Variants in NR5A1 observed in about 807,000 individuals in gnomAD.
NR5A1 encodes nuclear receptor subfamily 5 group A member 1, also known as steroidogenic factor 1.
Under a neutral mutation model 42.7 loss-of-function variants are expected in NR5A1, and 6 were observed. The observed-to-expected ratio is 0.14, with a 90% CI of 0.08 to 0.28. The LOEUF is 0.28. Ranked by LOEUF, NR5A1 falls within the 10% of genes least tolerant of loss-of-function variation. The probability of loss-of-function intolerance (pLI) is 1.00; values close to 1 mark genes in which losing one functional copy is unlikely to be tolerated. For missense variants in NR5A1, 442 were observed against 626.4 expected, an observed-to-expected ratio of 0.71 and a Z score of 3.14; for synonymous variants, 274 against 277.5, an observed-to-expected ratio of 0.99 and a Z score of 0.12.
At chr9:124,484,309 G>T (rs1181319269) in intron 6 of NR5A1, among the ~76,000 whole-genome samples, 1 of 152,180 alleles carries the variant, frequency 6.6e-6, no homozygotes, top group African/African-American at 2.4e-5. Context: ...TGGCCACGTG[G>T]TGACCGCACC....
At chr9:124,493,982 A>AG (rs1832353559) in intron 4 of NR5A1, among the ~76,000 whole-genome samples, 2 of 152,094 alleles carry the variant, frequency 1.3e-5, no homozygotes, top group Admixed American at 1.3e-4. Context: ...CCGGGATCAC[A>AG]CAGAGGCAGG....
chr9:124,500,352 C>A lies in NR5A1; in HGVS notation c.608G>T (p.Ser203Ile), dbSNP rs770165012. Residue 203 changes from serine to isoleucine, a missense_variant, in exon 4 of 7, where the codon AGC becomes ATC. This residue lies in a region of NR5A1 where 208 missense variants were observed against 203.8 expected (regional missense o/e 1.02). Transcript: ENST00000373588. The surrounding 1 kb of genome is among the most constrained non-coding windows in gnomAD (Gnocchi z 6.9). ...IKSEYPEPYA[S>I]PPQPGLPYGY... ...GTACGGCAGCCCAGGCTGTGGGGGG[C>A]TGGCATAAGGCTCCGGGTACTCAGA... 16 of 1,556,214 alleles carry A rather than the reference C, an allele frequency of 1.0e-5. No individual in the cohort carries two copies. The highest frequency in any genetic ancestry group is 7.8e-5 in the Admixed American group (4 of 51,536).
chr9:124,500,044 G>C lies in NR5A1; in HGVS notation c.870+46C>G. 6.2e-7 allele frequency: 1 copy of C among 1,612,734 alleles called. No individual in the cohort carries two copies. The highest frequency in any genetic ancestry group is 8.5e-7 in the Non-Finnish European group (1 of 1,179,830). On this transcript the variant is annotated intron_variant, in intron 4 of 6. Transcript: ENST00000373588. This position sits in a 1 kb window ranked among gnomAD's most constrained non-coding sequence, Gnocchi z 6.9. ...CAGTCGGGCTAAGGCTTGGGCAGCCGGGAGGACCATGATGCAGGGCCAGCC... is the reference window on the plus strand; with the variant it reads ...CAGTCGGGCTAAGGCTTGGGCAGCCCGGAGGACCATGATGCAGGGCCAGCC...
intron 6 of NR5A1, among the ~76,000 whole-genome samples, chr9:124,484,584 C>T (rs915708110): frequency 2.6e-5 from 4 of 152,170 alleles, no homozygotes; most frequent in Non-Finnish European, 4.4e-5. Flanking sequence ...AACCCCATCT[C>T]TACTAAAAAT....
rs775736029 is a variant in NR5A1 at position 124,503,276 on chromosome 9, C to T, written c.102+18G>A. On this transcript the variant is annotated intron_variant, in intron 2 of 6. Coordinates refer to ENST00000373588, the MANE Select transcript of NR5A1 (RefSeq NM_004959.5). This position sits in a 1 kb window ranked among gnomAD's most constrained non-coding sequence, Gnocchi z 9.6. ...CAGCGCCCGTCTGCCGCACCCCTGC[C>T]GCGCGCTCGCCGCTCACCTTGCAGC... The T allele has an allele frequency of 1.9e-6, 3 of 1,607,488 alleles. No homozygotes were observed. Among genetic ancestry groups the T allele is most frequent in the South Asian group, 1.1e-5 (1 of 90,008 alleles).
Position 124,482,772 on chromosome 9 carries a change from C to T in NR5A1, c.1372G>A (p.Ala458Thr). The T allele has an allele frequency of 7.6e-7, 1 of 1,312,642 alleles. No homozygotes were observed. The highest frequency in any genetic ancestry group is 1.2e-5 in the South Asian group (1 of 83,188). The allele number at this position is 1,312,642 out of a possible 1,614,324, so 81.3% of individuals were successfully genotyped here. The change falls in exon 7 of 7, where the codon GCC (alanine) becomes ACC (threonine). Residue 458 changes from alanine to threonine, a missense_variant. This residue lies in a region of NR5A1 where 163 missense variants were observed against 265.8 expected (regional missense o/e 0.61). Coordinates refer to ENST00000373588, the MANE Select transcript of NR5A1 (RefSeq NM_004959.5). ...RNNLLIEMLQ[A>T]KQT The stretch of plus-strand genomic sequence containing the variant: ...CCGGCCCAGGCTCAAGTCTGCTTGG[C>T]TTGCAGCATTTCGATGAGCAGGTTG...
Position 124,503,491 on chromosome 9 carries a change from C to A in NR5A1, c.-15-81G>T. ...CCGCGGCCGCCGCCCCAGCCGCTGT[C>A]GCCGGCCCGTCGCGTAATCCCCTCT... On this transcript the variant is annotated intron_variant, in intron 1 of 6. Coordinates refer to ENST00000373588, the MANE Select transcript of NR5A1 (RefSeq NM_004959.5). The surrounding 1 kb of genome is among the most constrained non-coding windows in gnomAD (Gnocchi z 9.6). The A allele has an allele frequency of 8.4e-7, 1 of 1,192,580 alleles. No homozygotes were observed. Among genetic ancestry groups the A allele is most frequent in the South Asian group, 1.5e-5 (1 of 66,306 alleles). 73.9% of individuals were successfully genotyped at this position (1,192,580 alleles called of 1,614,324 possible). A position where few individuals can be genotyped will look rare whatever the true frequency, so the allele number is the denominator to read the frequency against.
At position 124,501,001 on chromosome 9, in the gene NR5A1, T is replaced by TC. The variant is rs1564152981; in HGVS notation, c.245-287dup. ...TCCTCCTCCACCCTGCCTTTCATTTTCCTTCTGACTCAAACTTTTTTTTTT... is the reference window on the plus strand; with the variant it reads ...TCCTCCTCCACCCTGCCTTTCATTTTCCCTTCTGACTCAAACTTTTTTTTTT... On this transcript the variant is annotated intron_variant, in intron 3 of 6. Transcript: ENST00000373588. The surrounding 1 kb of genome is among the most constrained non-coding windows in gnomAD (Gnocchi z 4.1). 1 of 701,808 alleles carries TC rather than the reference T, an allele frequency of 1.4e-6. No individual in the cohort carries two copies. The highest frequency in any genetic ancestry group is 2.0e-5 in the Admixed American group (1 of 49,376). The allele number at this position is 701,808 out of a possible 1,614,324, so 43.5% of individuals were successfully genotyped here.
rs1403206597 is a variant in NR5A1 at position 124,500,318 on chromosome 9, T to C, written c.642A>G (p.Pro214=). The C allele has an allele frequency of 8.3e-6, 13 of 1,559,798 alleles. No individual in the cohort carries two copies. The highest frequency in any genetic ancestry group is 1.1e-5 in the Non-Finnish European group (13 of 1,152,350). ...CGTTGGGCCCTCCAGAGAAGGGCTC[T>C]GGGTAGCCGTACGGCAGCCCAGGCT... The part of the protein sequence containing the change: ...PPQPGLPYGY[P]EPFSGGPNVP... The change falls in exon 4 of 7, where the codon CCA becomes CCG. Residue 214 remains proline, a synonymous_variant. Transcript: ENST00000373588. This position sits in a 1 kb window ranked among gnomAD's most constrained non-coding sequence, Gnocchi z 6.9.
chr9:124,506,708 C>T (rs1832566010), intron 1 of NR5A1, among the ~76,000 whole-genome samples: 1 of 152,194 alleles, frequency 6.6e-6, no homozygotes, highest in African/African-American at 2.4e-5. Context: ...CTCCAGGCTC[C>T]GAGGCACCCA....
intron 6 of NR5A1, 100 bp from the exon 7 acceptor site, chr9:124,483,105 A>G: frequency 6.2e-7 from 1 of 1,600,108 alleles, no homozygotes; most frequent in Non-Finnish European, 8.5e-7. Flanking sequence ...CTTCCCTATG[A>G]CCATCAAAGA....
At chr9:124,491,975 G>A (rs1430261385) in intron 5 of NR5A1, among the ~76,000 whole-genome samples, 1 of 152,074 alleles carries the variant, frequency 6.6e-6, no homozygotes, top group African/African-American at 2.4e-5. Flanking sequence ...CATGCAGACT[G>A]CAGGCACCTG....
chr9:124,493,197 G>A, intron 4 of NR5A1, 48 bp from the exon 5 acceptor site: 1 of 1,583,764 alleles, frequency 6.3e-7, no homozygotes, highest in Non-Finnish European at 8.6e-7. Flanking sequence ...CAGGGTCCAG[G>A]GACCTTCCTC....
intron 1 of NR5A1, among the ~76,000 whole-genome samples, chr9:124,504,687 C>A (rs140078874): frequency 0.015 from 2,215 of 149,626 alleles, 24 homozygotes; most frequent in Middle Eastern, 0.09. Flanking sequence ...CCCACCTGGT[C>A]GCTCCTGCGA....
intron 5 of NR5A1, among the ~76,000 whole-genome samples, chr9:124,492,038 G>A (rs1832319037): frequency 1.3e-5 from 2 of 152,090 alleles, no homozygotes; most frequent in Non-Finnish European, 2.9e-5. Flanking sequence ...TGCCCGTCCC[G>A]TCCTCCTGCC....
chr9:124,495,147 C>G (rs1832371367), intron 4 of NR5A1, among the ~76,000 whole-genome samples: 1 of 152,212 alleles, frequency 6.6e-6, no homozygotes, highest in South Asian at 2.1e-4. Flanking sequence ...CCCTCCAGCT[C>G]CCAGCAAAGC....
chr9:124,500,023 C>A lies in NR5A1; in HGVS notation c.870+67G>T. Reference sequence around the variant, plus strand: ...AGGATGGCCCTATCCAAAGGACAGTCGGGCTAAGGCTTGGGCAGCCGGGAG... The same window carrying A: ...AGGATGGCCCTATCCAAAGGACAGTAGGGCTAAGGCTTGGGCAGCCGGGAG... On this transcript the variant is annotated intron_variant, in intron 4 of 6. Coordinates refer to ENST00000373588, the MANE Select transcript of NR5A1 (RefSeq NM_004959.5). The surrounding 1 kb of genome is among the most constrained non-coding windows in gnomAD (Gnocchi z 6.9). 1.2e-6 allele frequency: 2 copies of A among 1,610,450 alleles called. No homozygotes were observed. The highest frequency in any genetic ancestry group is 1.1e-5 in the South Asian group (1 of 90,808).
rs557701741 is a variant in NR5A1 at position 124,482,073 on chromosome 9, G to A, written c.*685C>T. 1 of 153,582 alleles carries A rather than the reference G, an allele frequency of 6.5e-6. No individual in the cohort carries two copies. The highest frequency in any genetic ancestry group is 2.1e-4 in the South Asian group (1 of 4,876). 9.5% of individuals were successfully genotyped at this position (153,582 alleles called of 1,614,324 possible). A position where few individuals can be genotyped will look rare whatever the true frequency, so the allele number is the denominator to read the frequency against. ...CGATTGTACCAAACGTTCTCCTTGG[G>A]TGGGAGAGGGAATCAGTGATGCCTG... On this transcript the variant is annotated 3_prime_UTR_variant, in exon 7 of 7. Coordinates refer to ENST00000373588, the MANE Select transcript of NR5A1 (RefSeq NM_004959.5).
chr9:124,494,492 C>T (rs72761481), intron 4 of NR5A1, among the ~76,000 whole-genome samples: 2,344 of 152,336 alleles, frequency 0.015, 31 homozygotes, highest in Non-Finnish European at 0.02. Flanking sequence ...GATGCAGAAT[C>T]TGCAACATCT....
Sources: gnomAD v4.1 joint callset for allele counts (sites outside exome capture counted in the v4.1 genomes callset) on GRCh38, gnomAD v4.1.1 for gene constraint, gnomAD v4.1.1 regional missense constraint, Gnocchi (gnomAD v3.1) non-coding constraint, MANE v1.5 for transcripts, NCBI Gene and HGNC (gene_info 2026-07-23, HGNC 2026-07-21) for gene names.